Variants in ANK2 observed in about 807,000 individuals in gnomAD.
ANK2 encodes the protein ankyrin-2.
ANK2 carries 83 observed loss-of-function variants against 360.5 expected under a neutral mutation model. The observed-to-expected ratio is 0.23, with a 90% CI of 0.19 to 0.28. ANK2 has a LOEUF of 0.28. ANK2 is among the 10% of genes least tolerant of loss of function. The pLI is 1.00. For synonymous variants in ANK2, 1,740 were observed against 1,759.5 expected (o/e 0.99, Z 0.28); for missense variants, 4,201 against 4,795.7 (o/e 0.88, Z 3.66).
chr4:112,794,978 A>G, the ANK2 span, among the ~76,000 whole-genome samples: 2 of 152,230 alleles, frequency 1.3e-5, no homozygotes, highest in African/African-American at 4.8e-5. Context: ...TGTTATGAAA[A>G]TCAAATGAGG....
At chr4:112,994,282 A>G (rs1378997365) in intron 2 of ANK2, among the ~76,000 whole-genome samples, 3 of 152,210 alleles carry the variant, frequency 2.0e-5, no homozygotes, top group Non-Finnish European at 4.4e-5. Context: ...AGACAGCAAC[A>G]TTTTTACAGA....
At chr4:113,279,740 AC>A (rs1370828244) in intron 17 of ANK2, among the ~76,000 whole-genome samples, 1 of 149,592 alleles carries the variant, frequency 6.7e-6, no homozygotes, top group Non-Finnish European at 1.5e-5. Flanking sequence ...TTGTACACAT[AC>A]ATACATATAC....
chr4:112,862,436 T>C (rs2068434567), intron 1 of ANK2, among the ~76,000 whole-genome samples: 2 of 152,352 alleles, frequency 1.3e-5, no homozygotes, highest in East Asian at 3.9e-4. Context: ...TCATTATTTC[T>C]AGAGTGTTCC....
intron 1 of ANK2, among the ~76,000 whole-genome samples, chr4:113,078,114 T>C (rs2080873474): frequency 6.6e-6 from 1 of 152,210 alleles, no homozygotes; most frequent in South Asian, 2.1e-4. Context: ...GGTTGTTAGG[T>C]GATCGTGTTC....
At chr4:113,168,836 G>A (rs1236262314) in intron 1 of ANK2, among the ~76,000 whole-genome samples, 2 of 152,140 alleles carry the variant, frequency 1.3e-5, no homozygotes, top group South Asian at 2.1e-4. Context: ...AAACAATAGA[G>A]CAGTCCTTGG....
At chr4:113,241,570 C>T (rs2039955725) in intron 8 of ANK2, among the ~76,000 whole-genome samples, 1 of 152,140 alleles carries the variant, frequency 6.6e-6, no homozygotes, top group African/African-American at 2.4e-5. Context: ...GAATTCCTGG[C>T]TTCAAGCAAT....
intron 1 of ANK2, among the ~76,000 whole-genome samples, chr4:112,873,757 G>C (rs2074074555): frequency 6.6e-6 from 1 of 151,470 alleles, no homozygotes; most frequent in African/African-American, 2.4e-5. Context: ...TGTTAGCCAG[G>C]ATGGTCTTGA....
Position 112,879,103 on chromosome 4 carries a change from GAACAA to G in ANK2, c.-39-25329_-39-25325del, listed in dbSNP as rs369264233. On this transcript the variant is annotated intron_variant, in intron 1 of 30. Transcript: ENST00000503271. ...ATGAGATGGAAGTTGCATGTAAGAT[GAACAA>G]AACAAAACAAAACAAAACAAAAAAC... Among the ~76,000 whole-genome samples, 44 of 152,156 alleles carry G rather than the reference GAACAA, an allele frequency of 2.9e-4. No homozygotes were observed. In the East Asian group the frequency reaches 4.2e-3, roughly 15 times the overall value.
intron 20 of ANK2, among the ~76,000 whole-genome samples, chr4:113,290,222 C>T (rs371966467): frequency 6.7e-6 from 1 of 150,060 alleles, no homozygotes; most frequent in Admixed American, 6.6e-5. Flanking sequence ...CATTTGGAAC[C>T]ATATATCTTT....
At chr4:112,771,668 C>T in the ANK2 span, among the ~76,000 whole-genome samples, 1 of 151,766 alleles carries the variant, frequency 6.6e-6, no homozygotes, top group Non-Finnish European at 1.5e-5. Flanking sequence ...TCACTGCAAG[C>T]TCCGCCTCCC....
chr4:113,220,969 T>C (rs2099144229), intron 4 of ANK2, among the ~76,000 whole-genome samples: 1 of 152,196 alleles, frequency 6.6e-6, no homozygotes, highest in African/African-American at 2.4e-5. Flanking sequence ...GTGTATAGGC[T>C]ACACACAAAG....
intron 2 of ANK2, among the ~76,000 whole-genome samples, chr4:113,035,060 A>G (rs1040365852): frequency 3.3e-5 from 5 of 151,632 alleles, no homozygotes; most frequent in African/African-American, 1.2e-4. Context: ...CTTTTTTCTT[A>G]AAAAGTAGGC....
intron 1 of ANK2, chr4:113,146,129 A>G (rs555241540): frequency 9.7e-7 from 1 of 1,030,706 alleles, no homozygotes; most frequent in East Asian, 6.1e-5. Flanking sequence ...ATGTGATCAA[A>G]CCACCTGACT....
At chr4:112,842,621 G>A (rs183705254) in intron 1 of ANK2, among the ~76,000 whole-genome samples, 1 of 152,162 alleles carries the variant, frequency 6.6e-6, no homozygotes, top group Non-Finnish European at 1.5e-5. Flanking sequence ...TCACAATAGG[G>A]TTCGTGCTCC....
intron 1 of ANK2, among the ~76,000 whole-genome samples, chr4:113,051,813 T>C (rs1183210210): frequency 3.3e-5 from 5 of 152,204 alleles, no homozygotes; most frequent in Non-Finnish European, 7.3e-5. Context: ...AATAATTATA[T>C]ATAGAATATT....
intron 7 of ANK2, 98 bp downstream of exon 7, chr4:113,237,720 G>C: frequency 8.9e-7 from 1 of 1,127,708 alleles, no homozygotes; most frequent in Non-Finnish European, 1.3e-6. Flanking sequence ...ATGATTAGAA[G>C]TTTGATTAAT....
intron 1 of ANK2, among the ~76,000 whole-genome samples, chr4:112,839,551 TA>T (rs2061667644): frequency 6.6e-6 from 1 of 152,332 alleles, no homozygotes; most frequent in East Asian, 1.9e-4. Flanking sequence ...CCTAATGTAT[TA>T]AGGTGTGGTT....
the ANK2 span, among the ~76,000 whole-genome samples, chr4:112,806,645 C>T: frequency 2.7e-3 from 417 of 152,018 alleles, 2 homozygotes; most frequent in African/African-American, 9.7e-3. Flanking sequence ...GCCTGGGAAA[C>T]ATGGCAAGAC....
intron 26 of ANK2, among the ~76,000 whole-genome samples, chr4:113,322,965 G>A (rs1196985928): frequency 2.0e-5 from 3 of 152,066 alleles, no homozygotes; most frequent in African/African-American, 7.2e-5. Flanking sequence ...TTCATAATAA[G>A]TAGCAAAACA....
Sources: gnomAD v4.1 joint callset for allele counts (sites outside exome capture counted in the v4.1 genomes callset) on GRCh38, gnomAD v4.1.1 for gene constraint, MANE v1.5 for transcripts, NCBI Gene and HGNC (gene_info 2026-07-23, HGNC 2026-07-21) for gene names.